RAB11FIP1: variants seen among roughly 807,000 people sequenced by gnomAD.
RAB11FIP1 encodes rab11 family-interacting protein 1.
In RAB11FIP1, 49 loss-of-function variants were observed where a neutral mutation model predicts 83.1. The ratio of observed to expected loss-of-function variants is 0.59; its 90% CI spans 0.47 to 0.75. The LOEUF (loss-of-function observed/expected upper bound fraction) is 0.75, where lower values mean the gene tolerates loss of function less well. Ranked by LOEUF, RAB11FIP1 falls within the 30% of genes least tolerant of loss-of-function variation. The pLI is 0.00. For synonymous variants in RAB11FIP1, 670 were observed against 656.0 expected (o/e 1.02, Z -0.33); for missense variants, 1,536 against 1,598.7 (o/e 0.96, Z 0.67).
chr8:37,880,996 C>T (rs999690132), intron 1 of RAB11FIP1, among the ~76,000 whole-genome samples: 21 of 152,196 alleles, frequency 1.4e-4, no homozygotes, highest in Admixed American at 6.5e-5. Context: ...CACCTTCAGC[C>T]ATGGCTGGTG....
In RAB11FIP1 at chr8:37,872,134, G is replaced by C. The variant is rs1479601029; in HGVS notation, c.2668C>G (p.Gln890Glu). ...GGGACTTCGGAGAAACTCTCCTCCT[G>C]GGAGGGGAGGAGGAGGTGATCCGCT... Reference protein sequence around the residue: ...SPADHLLLPSQEESFSEVPMS... With the variant: ...SPADHLLLPSEEESFSEVPMS... The change falls in exon 4 of 6, where the codon CAG becomes GAG. Residue 890 changes from glutamine (Q) to glutamate (E), a missense_variant. Physicochemically the swap from Gln to Glu is conservative, Grantham distance 29 (BLOSUM62 2). Transcript: ENST00000330843. 2 of 1,613,770 alleles carry C rather than the reference G, an allele frequency of 1.2e-6. No individual in the cohort carries two copies. The highest frequency in any genetic ancestry group is 2.7e-5 in the African/African-American group (2 of 74,904).
intron 5 of RAB11FIP1, among the ~76,000 whole-genome samples, chr8:37,866,833 C>T (rs991804209): frequency 2.0e-5 from 3 of 152,184 alleles, no homozygotes; most frequent in Admixed American, 1.3e-4. Flanking sequence ...GCATCTATCA[C>T]GTGGCAGGCC....
At chr8:37,885,180 A>G (rs192677958) in intron 1 of RAB11FIP1, among the ~76,000 whole-genome samples, 1 of 151,366 alleles carries the variant, frequency 6.6e-6, no homozygotes, top group Non-Finnish European at 1.5e-5. Flanking sequence ...TTTTTAGTAG[A>G]GACGGGGTTT....
chr8:37,874,580 G>C lies in RAB11FIP1; in HGVS notation c.1557C>G (p.Ser519=). 2 of 1,614,174 alleles carry C rather than the reference G, an allele frequency of 1.2e-6. No individual in the cohort carries two copies. The highest frequency in any genetic ancestry group is 2.2e-5 in the South Asian group (2 of 91,076). The part of the protein sequence containing the change: ...QITEPEAEPE[S]KSEPRPPISS... Reference sequence around the variant, plus strand: ...AAATTGGAGGTCTCGGTTCAGACTTGGACTCTGGCTCAGCTTCTGGTTCTG... The same window carrying C: ...AAATTGGAGGTCTCGGTTCAGACTTCGACTCTGGCTCAGCTTCTGGTTCTG... The change falls in exon 3 of 6, where the codon TCC becomes TCG. Residue 519 remains serine (S), a synonymous_variant. Coordinates refer to ENST00000330843, the MANE Select transcript of RAB11FIP1 (RefSeq NM_001002814.3).
intron 2 of RAB11FIP1, among the ~76,000 whole-genome samples, chr8:37,876,514 C>T (rs1373798776): frequency 6.6e-6 from 1 of 151,670 alleles, no homozygotes; most frequent in African/African-American, 2.4e-5. Flanking sequence ...GAGAGGATTC[C>T]TTGAGCCCAG....
Position 37,884,505 on chromosome 8 carries a change from A to G in RAB11FIP1, c.372-6954T>C, listed in dbSNP as rs147359845. On this transcript the variant is annotated intron_variant, in intron 1 of 5. Transcript: ENST00000330843. ...TAGGCTCAAGCCATCCTCCCACCTC[A>G]GCCTCTTGAGGAGCTGGGACTAAAA... is the stretch of plus-strand genomic sequence containing the variant. Among the ~76,000 whole-genome samples, 934 of 152,134 alleles carry G rather than the reference A, an allele frequency of 6.1e-3. 14 individuals carry two copies. The highest frequency in any genetic ancestry group is 0.021 in the African/African-American group (862 of 41,500).
chr8:37,895,435 AGG>A (rs1807065947), intron 1 of RAB11FIP1, among the ~76,000 whole-genome samples: 1 of 149,242 alleles, frequency 6.7e-6, no homozygotes, highest in African/African-American at 2.5e-5. Flanking sequence ...CTATCAATCT[AGG>A]GTCCCAAACT....
At chr8:37,892,774 A>C (rs1196426605) in intron 1 of RAB11FIP1, among the ~76,000 whole-genome samples, 1 of 152,026 alleles carries the variant, frequency 6.6e-6, no homozygotes, top group East Asian at 1.9e-4. Flanking sequence ...GTGGCTTACC[A>C]TTCCTCCTAA....
At chr8:37,865,195 T>C (rs1263892592) in intron 5 of RAB11FIP1, among the ~76,000 whole-genome samples, 2 of 152,124 alleles carry the variant, frequency 1.3e-5, no homozygotes, top group Non-Finnish European at 2.9e-5. Context: ...AAAGTCTCAA[T>C]ACATAAGATA....
intron 3 of RAB11FIP1, 192 bp from the exon 4 acceptor site, chr8:37,873,371 G>A (rs142963162): frequency 1.0e-4 from 53 of 524,606 alleles, no homozygotes; most frequent in Admixed American, 4.5e-4. Context: ...GTGGGAGGCC[G>A]AGGCAGGCGG....
intron 2 of RAB11FIP1, among the ~76,000 whole-genome samples, chr8:37,876,851 G>A (rs561760758): frequency 1.3e-5 from 2 of 151,992 alleles, no homozygotes; most frequent in South Asian, 4.2e-4. Context: ...ATGTTGCCCA[G>A]GCTGGTCTCA....
intron 1 of RAB11FIP1, among the ~76,000 whole-genome samples, chr8:37,880,930 G>A (rs1806722527): frequency 6.6e-6 from 1 of 152,192 alleles, no homozygotes; most frequent in Non-Finnish European, 1.5e-5. Flanking sequence ...AAGAGCGGAA[G>A]GTAGTGGACT....
chr8:37,859,190 A>G lies in RAB11FIP1; in HGVS notation c.*3705T>C, dbSNP rs1806185775. On this transcript the variant is annotated 3_prime_UTR_variant, in exon 6 of 6. Coordinates refer to ENST00000330843, the MANE Select transcript of RAB11FIP1 (RefSeq NM_001002814.3). ...TAAGTTTGGTGGATACTAGGAATTA[A>G]GTTCTCCACCTAAGGCAATTAATTT... 1 of 151,846 alleles carries G rather than the reference A, an allele frequency of 6.6e-6. No individual in the cohort carries two copies. Among genetic ancestry groups the G allele is most frequent in the Non-Finnish European group, 1.5e-5 (1 of 68,038 alleles). 9.4% of individuals were successfully genotyped at this position (151,846 alleles called of 1,614,324 possible). A position where few individuals can be genotyped will look rare whatever the true frequency, so the allele number is the denominator to read the frequency against.
chr8:37,875,670 C>G (rs764466963), intron 2 of RAB11FIP1, among the ~76,000 whole-genome samples: 1 of 152,112 alleles, frequency 6.6e-6, no homozygotes, highest in Non-Finnish European at 1.5e-5. Context: ...ATAATTAACT[C>G]AGAGCTAAAG....
At chr8:37,881,886 T>C (rs1379027497) in intron 1 of RAB11FIP1, among the ~76,000 whole-genome samples, 1 of 152,148 alleles carries the variant, frequency 6.6e-6, no homozygotes, top group Non-Finnish European at 1.5e-5. Context: ...CCTGGAATTG[T>C]CTGCATATTT....
chr8:37,894,701 C>CATATATATATACATATATATACATAT (rs200697328), intron 1 of RAB11FIP1, among the ~76,000 whole-genome samples: 1 of 144,312 alleles, frequency 6.9e-6, no homozygotes, highest in African/African-American at 2.7e-5. Flanking sequence ...TACATAAATA[C>CATATATATATACATATATATACATAT]ATATATATAC....
At chr8:37,875,347 G>A (rs1806586728) in intron 2 of RAB11FIP1, 25 bp from the exon 3 acceptor site, 1 of 1,567,084 alleles carries the variant, frequency 6.4e-7, no homozygotes, top group African/African-American at 1.4e-5. Flanking sequence ...AGAACAGAAA[G>A]GGGATAAGAT....
chr8:37,875,775 C>T (rs1806594564), intron 2 of RAB11FIP1, among the ~76,000 whole-genome samples: 1 of 151,504 alleles, frequency 6.6e-6, no homozygotes, highest in Admixed American at 6.6e-5. Context: ...AATGAAATAT[C>T]AGAATTACCA....
Position 37,875,161 on chromosome 8 carries a change from G to C in RAB11FIP1, c.976C>G (p.Leu326Val), listed in dbSNP as rs760908672. Residue 326 changes from leucine (L) to valine (V), a missense_variant, in exon 3 of 6, where the codon CTG (leucine) becomes GTG (valine). Coordinates refer to ENST00000330843, the MANE Select transcript of RAB11FIP1 (RefSeq NM_001002814.3). The stretch of plus-strand genomic sequence containing the variant: ...TCACCCTTGGCTTCTGGCTGCTCCA[G>C]GTAAACATGGTTCCCATTGATGCAG... ...NVCINGNHVY[L>V]EQPEAKGEIK... 2.7e-5 allele frequency: 43 copies of C among 1,614,004 alleles called. No homozygotes were observed. Among genetic ancestry groups the C allele is most frequent in the Non-Finnish European group, 3.5e-5 (41 of 1,180,026 alleles).
Sources: allele counts gnomAD v4.1 joint callset (sites outside exome capture counted in the v4.1 genomes callset), GRCh38; gene constraint gnomAD v4.1.1; transcripts MANE v1.5; gene names NCBI Gene and HGNC (gene_info 2026-07-23, HGNC 2026-07-21).